SYT6: variants seen among roughly 807,000 people sequenced by gnomAD.
SYT6 encodes synaptotagmin-6.
In SYT6, 24 loss-of-function variants were observed where a neutral mutation model predicts 38.4. That is an observed-to-expected ratio of 0.62 (90% CI 0.45 to 0.88). The LOEUF (loss-of-function observed/expected upper bound fraction) is 0.88. Ranked by LOEUF, SYT6 falls within the 40% of genes least tolerant of loss-of-function variation. SYT6 has a pLI of 0.00. For missense variants in SYT6, 611 were observed against 621.0 expected (o/e 0.98, Z 0.17); for synonymous variants, 265 against 241.9 (o/e 1.10, Z -0.89).
intron 1 of SYT6, 138 bp from the exon 2 acceptor site, chr1:114,140,101 G>A: frequency 1.8e-6 from 1 of 558,390 alleles, no homozygotes; most frequent in African/African-American, 1.9e-5. Context: ...AAAGCTGCCA[G>A]GTCAGAGGGA....
chr1:114,121,306 C>T lies in SYT6; in HGVS notation c.1071+16189G>A, dbSNP rs573932703. On this transcript the variant is annotated intron_variant, in intron 3 of 7. Transcript: ENST00000610222. ...CACTATCCCTCCTTGGAGCCTTGGC[C>T]CTGCACACCTCGCACTCTCCTCCCT... Among the ~76,000 whole-genome samples the T allele has an allele frequency of 2.3e-4, 35 of 152,268 alleles. 1 individual carries two copies. The South Asian group carries it at 7.2e-3, about 32-fold the overall frequency.
intron 3 of SYT6, among the ~76,000 whole-genome samples, chr1:114,123,970 A>AACCAATTCT (rs1677568953): frequency 9.4e-6 from 1 of 106,764 alleles, no homozygotes; most frequent in Non-Finnish European, 1.8e-5. Context: ...CTGAGACCCC[A>AACCAATTCT]TCCGGCTGGG....
At chr1:114,130,270 T>A (rs140745807) in intron 3 of SYT6, among the ~76,000 whole-genome samples, 1 of 152,076 alleles carries the variant, frequency 6.6e-6, no homozygotes, top group East Asian at 1.9e-4. Flanking sequence ...ATTTGCCTTC[T>A]TCCACTAGAG....
intron 3 of SYT6, among the ~76,000 whole-genome samples, chr1:114,109,734 G>C (rs1676558767): frequency 6.6e-6 from 1 of 152,140 alleles, no homozygotes. Flanking sequence ...TGTTTGGTTT[G>C]GTCGGTGCAG....
In SYT6 at chr1:114,116,350, C is replaced by G. The variant is rs564982423; in HGVS notation, c.1072-12629G>C. Among the ~76,000 whole-genome samples, 134 of 152,318 alleles carry G rather than the reference C, an allele frequency of 8.8e-4. 1 individual carries two copies. Among genetic ancestry groups the G allele is most frequent in the Middle Eastern group, 3.4e-3 (1 of 294 alleles). ...AATTCTTGTCCCCAACGCGGCAGTTCAGTGGAAGAACCCCGGGCCCTCTCT... is the reference window on the plus strand; with the variant it reads ...AATTCTTGTCCCCAACGCGGCAGTTGAGTGGAAGAACCCCGGGCCCTCTCT... On this transcript the variant is annotated intron_variant, in intron 3 of 7. Coordinates refer to ENST00000610222, the MANE Select transcript of SYT6 (RefSeq NM_001253772.2).
At chr1:114,142,386 G>A (rs1678913460) in intron 1 of SYT6, among the ~76,000 whole-genome samples, 1 of 152,206 alleles carries the variant, frequency 6.6e-6, no homozygotes, top group Non-Finnish European at 1.5e-5. Flanking sequence ...TAGAAGTGGA[G>A]CCTGAAGAAT....
At chr1:114,093,832 C>T (rs970092806) in intron 6 of SYT6, 29 bp from the exon 7 acceptor site, 16 of 1,611,082 alleles carry the variant, frequency 9.9e-6, no homozygotes, top group South Asian at 1.1e-5. Context: ...TAAATAAATG[C>T]CTGGTTGTTG....
At chr1:114,093,198 G>A (rs1352723832) in intron 7 of SYT6, among the ~76,000 whole-genome samples, 1 of 152,190 alleles carries the variant, frequency 6.6e-6, no homozygotes, top group Non-Finnish European at 1.5e-5. Context: ...ATTCCTAGAA[G>A]GGCCGAGCCA....
At chr1:114,097,921 C>A (rs746543276) in intron 5 of SYT6, 44 bp from the exon 6 acceptor site, 2 of 1,606,866 alleles carry the variant, frequency 1.2e-6, no homozygotes, top group Non-Finnish European at 8.5e-7. Context: ...CCAGACATGC[C>A]CTCAGAAAAG....
rs621550 is a variant in SYT6 at position 114,093,759 on chromosome 1, C to G, written c.*27G>C. 6.2e-7 allele frequency: 1 copy of G among 1,614,042 alleles called. No homozygotes were observed. The highest frequency in any genetic ancestry group is 8.5e-7 in the Non-Finnish European group (1 of 1,179,970). The stretch of plus-strand genomic sequence containing the variant: ...CTCCTAACTCCAGGTGGCAGTCTCT[C>G]TGCTTGCAGCATCCACGTGAATGAA... On this transcript the variant is annotated 3_prime_UTR_variant, in exon 7 of 8. Coordinates refer to ENST00000610222, the MANE Select transcript of SYT6 (RefSeq NM_001253772.2).
At chr1:114,121,703 A>AAAC (rs1447536290) in intron 3 of SYT6, among the ~76,000 whole-genome samples, 1 of 152,230 alleles carries the variant, frequency 6.6e-6, no homozygotes, top group Non-Finnish European at 1.5e-5. Context: ...TATCATTTTA[A>AAAC]AACTGTGTGA....
chr1:114,093,752 A>G lies in SYT6; in HGVS notation c.*34T>C. 1 of 1,614,052 alleles carries G rather than the reference A, an allele frequency of 6.2e-7. No homozygotes were observed. Among genetic ancestry groups the G allele is most frequent in the Non-Finnish European group, 8.5e-7 (1 of 1,179,980 alleles). ...GTACTTACTCCTAACTCCAGGTGGC[A>G]GTCTCTCTGCTTGCAGCATCCACGT... On this transcript the variant is annotated 3_prime_UTR_variant, in exon 7 of 8. Coordinates refer to ENST00000610222, the MANE Select transcript of SYT6 (RefSeq NM_001253772.2).
At chr1:114,092,694 G>A (rs1161742100) in intron 7 of SYT6, among the ~76,000 whole-genome samples, 1 of 152,110 alleles carries the variant, frequency 6.6e-6, no homozygotes, top group Non-Finnish European at 1.5e-5. Context: ...GTCACAGACT[G>A]CCTCCTATCA....
At chr1:114,096,395 C>T (rs566025752) in intron 6 of SYT6, among the ~76,000 whole-genome samples, 12 of 152,222 alleles carry the variant, frequency 7.9e-5, no homozygotes, top group Non-Finnish European at 1.5e-4. Context: ...CTGCCAGAAA[C>T]TTTGCTTCTT....
chr1:114,092,639 C>T (rs1472178212), intron 7 of SYT6, among the ~76,000 whole-genome samples: 1 of 152,026 alleles, frequency 6.6e-6, no homozygotes, highest in East Asian at 1.9e-4. Context: ...GTGAGCAGAC[C>T]CTTCTGGGCT....
At chr1:114,124,471 AT>A (rs969935618) in intron 3 of SYT6, among the ~76,000 whole-genome samples, 2 of 152,172 alleles carry the variant, frequency 1.3e-5, no homozygotes, top group Non-Finnish European at 2.9e-5. Context: ...AGGGAAGACG[AT>A]AGAATGATGG....
rs1203859991 is a variant in SYT6 at position 114,090,972 on chromosome 1, C to T, written c.*1162G>A. On this transcript the variant is annotated 3_prime_UTR_variant, in exon 8 of 8. Transcript: ENST00000610222. ...AACTAAAGTTTAAGATGAATATTGT[C>T]AAAGAGCCAAAGGGGCTGAAATAGG... The T allele has an allele frequency of 6.5e-6, 1 of 152,886 alleles. No homozygotes were observed. Among genetic ancestry groups the T allele is most frequent in the African/African-American group, 2.4e-5 (1 of 41,424 alleles). 9.5% of individuals were successfully genotyped at this position (152,886 alleles called of 1,614,324 possible).
chr1:114,138,014 A>G lies in SYT6; in HGVS notation c.552T>C (p.His184=), dbSNP rs1557763886. The G allele has an allele frequency of 6.2e-7, 1 of 1,613,954 alleles. No homozygotes were observed. Among genetic ancestry groups the G allele is most frequent in the Admixed American group, 1.7e-5 (1 of 60,002 alleles). ...CATTGCCATAGTCTACACTGGAGACATGCATCTGCCTTGGCAGGTGGCGCT... is the reference window on the plus strand; with the variant it reads ...CATTGCCATAGTCTACACTGGAGACGTGCATCTGCCTTGGCAGGTGGCGCT... ...SFKRHLPRQM[H]VSSVDYGNEL... is the part of the protein sequence containing the mutation. Residue 184 remains histidine, a synonymous_variant, in exon 3 of 8, where the codon CAT becomes CAC. Coordinates refer to ENST00000610222, the MANE Select transcript of SYT6 (RefSeq NM_001253772.2).
intron 3 of SYT6, among the ~76,000 whole-genome samples, chr1:114,120,597 G>A (rs762245488): frequency 2.0e-5 from 3 of 152,154 alleles, no homozygotes; most frequent in Non-Finnish European, 4.4e-5. Context: ...ATAAATAAAC[G>A]TTTTTATTAC....
Sources: allele counts gnomAD v4.1 joint callset (sites outside exome capture counted in the v4.1 genomes callset), GRCh38; gene constraint gnomAD v4.1.1; transcripts MANE v1.5; gene names NCBI Gene and HGNC (gene_info 2026-07-23, HGNC 2026-07-21).